Variants in ADAMTS9 observed in about 807,000 individuals in gnomAD.
The protein encoded by ADAMTS9 is ADAM metallopeptidase with thrombospondin type 1 motif 9, also known as A disintegrin and metalloproteinase with thrombospondin motifs 9.
A neutral mutation model predicts 257.1 loss-of-function variants in ADAMTS9; 107 were observed. The observed-to-expected ratio is 0.42, with a 90% CI of 0.36 to 0.49. The LOEUF (loss-of-function observed/expected upper bound fraction) is 0.49. Among genes scored for constraint, ADAMTS9 ranks in the 20% least tolerant of loss-of-function variants. The probability of loss-of-function intolerance (pLI) is 0.03; values close to 1 mark genes in which losing one functional copy is unlikely to be tolerated. For synonymous variants in ADAMTS9, 982 were observed against 880.9 expected (o/e 1.11, Z -2.03); for missense variants, 2,353 against 2,469.1 (o/e 0.95, Z 1.00).
intron 2 of ADAMTS9, among the ~76,000 whole-genome samples, chr3:64,682,940 A>G (rs1701794951): frequency 6.6e-6 from 1 of 152,144 alleles, no homozygotes; most frequent in South Asian, 2.1e-4. Flanking sequence ...CCCTACTCAC[A>G]GATTCAGAAT....
intron 37 of ADAMTS9, among the ~76,000 whole-genome samples, chr3:64,533,930 TATTGATTTCTAA>T (rs1264051664): frequency 6.6e-6 from 1 of 152,170 alleles, no homozygotes; most frequent in Non-Finnish European, 1.5e-5. Context: ...GGTGCCTCAA[TATTGATTTCTAA>T]AGAGACGGTG....
At chr3:64,684,552 G>A (rs928254896) in intron 2 of ADAMTS9, among the ~76,000 whole-genome samples, 1 of 152,158 alleles carries the variant, frequency 6.6e-6, no homozygotes, top group Non-Finnish European at 1.5e-5. Context: ...GGAAGACAAA[G>A]GGGCAGGGGT....
intron 12 of ADAMTS9, among the ~76,000 whole-genome samples, chr3:64,640,580 C>T (rs1401582937): frequency 1.3e-5 from 2 of 152,068 alleles, no homozygotes; most frequent in Non-Finnish European, 2.9e-5. Flanking sequence ...TTACAAAATC[C>T]CAAAGCAGCT....
rs760367250 is a variant in ADAMTS9 at position 64,622,576 on chromosome 3, G to C, written c.2400C>G (p.Ser800Arg). The change falls in exon 17 of 40, where the codon AGC becomes AGG. Residue 800 changes from serine to arginine, a missense_variant. By Grantham distance (110) the Ser-to-Arg change is moderately radical. This residue lies in a region of ADAMTS9 where 360 missense variants were observed against 458.1 expected (regional missense o/e 0.79). Transcript: ENST00000498707. The part of the protein sequence containing the change: ...TDDDNYLALS[S>R]SKGEFLLNGN... ...CATTTAGCAAGAATTCACCTTTACT[G>C]CTTGATAAAGCTGTAGGTGAAGAAA... The C allele has an allele frequency of 1.9e-6, 3 of 1,613,914 alleles. No homozygotes were observed. Among genetic ancestry groups the C allele is most frequent in the South Asian group, 1.1e-5 (1 of 91,072 alleles).
intron 29 of ADAMTS9, among the ~76,000 whole-genome samples, chr3:64,566,496 T>C (rs1256601093): frequency 1.3e-5 from 2 of 152,222 alleles, no homozygotes; most frequent in East Asian, 3.8e-4. Flanking sequence ...GGAGGCATTC[T>C]GATAATCCTA....
chr3:64,571,048 A>T (rs201102286), intron 28 of ADAMTS9, among the ~76,000 whole-genome samples: 1 of 152,230 alleles, frequency 6.6e-6, no homozygotes, highest in African/African-American at 2.4e-5. Context: ...TTCAATATAC[A>T]AATAGTCCAA....
chr3:64,631,974 TA>T, intron 14 of ADAMTS9, 49 bp from the exon 15 acceptor site: 1 of 1,366,226 alleles, frequency 7.3e-7, no homozygotes, highest in South Asian at 1.2e-5. Context: ...ATAGAGATTA[TA>T]AAATGGCAAA....
intron 12 of ADAMTS9, among the ~76,000 whole-genome samples, chr3:64,639,306 TTTTTTTAA>T (rs1161887786): frequency 6.9e-6 from 1 of 144,614 alleles, no homozygotes; most frequent in African/African-American, 2.6e-5. Context: ...TTTTTTTTTT[TTTTTTTAA>T]AAAAAAAAAA....
chr3:64,524,351 C>T (rs1327533087), intron 38 of ADAMTS9, among the ~76,000 whole-genome samples: 2 of 152,174 alleles, frequency 1.3e-5, no homozygotes, highest in Non-Finnish European at 2.9e-5. Flanking sequence ...TCTTTACTTG[C>T]CTGCCAAGCC....
chr3:64,588,740 A>G (rs1355282830), intron 28 of ADAMTS9: 1 of 152,186 alleles, frequency 6.6e-6, no homozygotes, highest in Admixed American at 6.5e-5. Context: ...AGCTACCACA[A>G]AATAGCATCA....
Position 64,633,613 on chromosome 3 carries a change from A to G in ADAMTS9, c.2039-5T>C, listed in dbSNP as rs955418355. On this transcript the variant is annotated splice_region_variant and splice_polypyrimidine_tract_variant and intron_variant, in intron 13 of 39. Transcript: ENST00000498707. ...TGCACCGGTCCTTCATCAGAACTAG[A>G]GAGGAGAAACAATACAACTTGACTT... 6.2e-7 allele frequency: 1 copy of G among 1,614,062 alleles called. No individual in the cohort carries two copies.
At chr3:64,564,619 G>T (rs7628107) in intron 29 of ADAMTS9, among the ~76,000 whole-genome samples, 91,857 of 141,404 alleles carry the variant, frequency 0.65, 30,365 homozygotes, top group Non-Finnish European at 0.76. Context: ...TTTTGTGTGT[G>T]GGGGGGGCGT....
chr3:64,603,891 C>A, intron 25 of ADAMTS9, 31 bp downstream of exon 25: 1 of 1,609,300 alleles, frequency 6.2e-7, no homozygotes, highest in Non-Finnish European at 8.5e-7. Flanking sequence ...TTCCCCCATT[C>A]CCCCTAATTC....
intron 21 of ADAMTS9, among the ~76,000 whole-genome samples, chr3:64,613,742 A>C (rs1197163481): frequency 6.6e-6 from 1 of 152,210 alleles, no homozygotes; most frequent in Non-Finnish European, 1.5e-5. Context: ...AACTAAACAC[A>C]GCTCCATGCT....
At chr3:64,584,542 A>T (rs1218222658) in intron 28 of ADAMTS9, among the ~76,000 whole-genome samples, 1 of 152,200 alleles carries the variant, frequency 6.6e-6, no homozygotes, top group Non-Finnish European at 1.5e-5. Context: ...CAGAATTTTT[A>T]AAGTTGTGAA....
intron 16 of ADAMTS9, among the ~76,000 whole-genome samples, chr3:64,624,418 A>G (rs963241858): frequency 2.0e-5 from 3 of 152,188 alleles, no homozygotes; most frequent in African/African-American, 7.2e-5. Flanking sequence ...TAAAAACATA[A>G]AGTTGAACAC....
chr3:64,532,043 A>C (rs927291008), intron 38 of ADAMTS9, among the ~76,000 whole-genome samples: 1 of 152,192 alleles, frequency 6.6e-6, no homozygotes. Flanking sequence ...ACCCTTAGAG[A>C]TTCCGATTCA....
At chr3:64,595,052 A>G (rs1292267663) in intron 27 of ADAMTS9, among the ~76,000 whole-genome samples, 1 of 149,576 alleles carries the variant, frequency 6.7e-6, no homozygotes, top group Non-Finnish European at 1.5e-5. Context: ...CTCCCAACAA[A>G]GATTCTTTGA....
At chr3:64,530,950 T>C (rs569533891) in intron 38 of ADAMTS9, among the ~76,000 whole-genome samples, 3 of 152,254 alleles carry the variant, frequency 2.0e-5, no homozygotes, top group East Asian at 1.9e-4. Flanking sequence ...AAACATAATG[T>C]ATAGATTTTG....
Sources: allele counts gnomAD v4.1 joint callset (sites outside exome capture counted in the v4.1 genomes callset), GRCh38; gene constraint gnomAD v4.1.1; regional missense constraint gnomAD v4.1.1; transcripts MANE v1.5; gene names NCBI Gene and HGNC (gene_info 2026-07-23, HGNC 2026-07-21).